The following KCNMA1 variants were observed in gnomAD, a reference collection of about 807,000 sequenced individuals.
KCNMA1 encodes potassium calcium-activated channel subfamily M alpha 1, also known as Calcium-activated potassium channel subunit alpha-1.
In KCNMA1, 29 loss-of-function variants were observed where a neutral mutation model predicts 140.0. The ratio of observed to expected loss-of-function variants is 0.21; its 90% CI spans 0.15 to 0.28. KCNMA1 has a LOEUF of 0.28. Ranked by LOEUF, KCNMA1 falls within the 10% of genes least tolerant of loss-of-function variation. The pLI, the probability that KCNMA1 is intolerant of heterozygous loss-of-function variation, is 1.00. For missense variants in KCNMA1, 880 were observed against 1,602.2 expected (o/e 0.55, Z 7.70); for synonymous variants, 612 against 611.9 (o/e 1.00, Z 0.00).
At chr10:77,484,940 C>T (rs547864920) in intron 1 of KCNMA1, among the ~76,000 whole-genome samples, 1 of 152,304 alleles carries the variant, frequency 6.6e-6, no homozygotes, top group South Asian at 2.1e-4. Context: ...AAGTTCACTT[C>T]CTGATGCACA....
chr10:77,075,742 T>G, intron 13 of KCNMA1, among the ~76,000 whole-genome samples: 1 of 152,146 alleles, frequency 6.6e-6, no homozygotes, highest in Admixed American at 6.5e-5. Flanking sequence ...AGGGAAGGAG[T>G]GAGGGTGACC....
chr10:76,976,553 C>T (rs986388668), intron 19 of KCNMA1, among the ~76,000 whole-genome samples: 26 of 152,132 alleles, frequency 1.7e-4, no homozygotes, highest in Non-Finnish European at 7.4e-5. Flanking sequence ...ATTAGATGTG[C>T]CCATGCTACC....
intron 9 of KCNMA1, among the ~76,000 whole-genome samples, chr10:77,097,389 A>G (rs534717848): frequency 1.3e-4 from 20 of 151,868 alleles, no homozygotes; most frequent in Non-Finnish European, 2.5e-4. Context: ...TCATCCCTCC[A>G]CCCTACCCCA....
intron 2 of KCNMA1, among the ~76,000 whole-genome samples, chr10:77,311,119 T>C (rs919968219): frequency 6.6e-6 from 1 of 152,154 alleles, no homozygotes; most frequent in Non-Finnish European, 1.5e-5. Context: ...TCTTAAATTC[T>C]GTGAAGAGTC....
At chr10:77,531,912 CA>C (rs2057718619) in intron 1 of KCNMA1, among the ~76,000 whole-genome samples, 1 of 152,204 alleles carries the variant, frequency 6.6e-6, no homozygotes, top group African/African-American at 2.4e-5. Flanking sequence ...TCAGCAGCCC[CA>C]GGCACAGTAC....
intron 19 of KCNMA1, among the ~76,000 whole-genome samples, chr10:76,984,594 C>G (rs1352446540): frequency 1.3e-5 from 2 of 152,144 alleles, no homozygotes; most frequent in Admixed American, 6.6e-5. Flanking sequence ...AAATGCCCCT[C>G]ATTATCCTGA....
At chr10:77,282,692 C>G (rs557542004) in intron 2 of KCNMA1, among the ~76,000 whole-genome samples, 1 of 143,386 alleles carries the variant, frequency 7.0e-6, no homozygotes, top group South Asian at 2.2e-4. Flanking sequence ...GCCTCCCAGG[C>G]TCCAATCTGC....
chr10:76,931,722 C>T (rs910335580), intron 23 of KCNMA1, among the ~76,000 whole-genome samples: 3 of 152,090 alleles, frequency 2.0e-5, no homozygotes, highest in African/African-American at 4.8e-5. Flanking sequence ...CGTTGCATGG[C>T]GCCATGCTAG....
chr10:76,898,377 CTAAGGG>C (rs1463163884), intron 25 of KCNMA1, among the ~76,000 whole-genome samples: 1 of 151,706 alleles, frequency 6.6e-6, no homozygotes, highest in Non-Finnish European at 1.5e-5. Flanking sequence ...TAAATCTGGA[CTAAGGG>C]TAATACGTGA....
At chr10:77,558,807 G>C (rs748900395) in intron 1 of KCNMA1, among the ~76,000 whole-genome samples, 1 of 152,196 alleles carries the variant, frequency 6.6e-6, no homozygotes, top group Non-Finnish European at 1.5e-5. Flanking sequence ...ACAGACAATG[G>C]GAAGTAAGCA....
chr10:77,260,302 G>A (rs892800438), intron 2 of KCNMA1, among the ~76,000 whole-genome samples: 1 of 152,232 alleles, frequency 6.6e-6, no homozygotes, highest in African/African-American at 2.4e-5. Flanking sequence ...ATGGGTGACA[G>A]CATCAGGAAG....
chr10:76,944,645 G>A lies in KCNMA1; in HGVS notation c.2902+128C>T, dbSNP rs1366989923. 19 of 822,282 alleles carry A rather than the reference G, an allele frequency of 2.3e-5. No individual in the cohort carries two copies. In the East Asian group the frequency reaches 4.7e-4, roughly 20 times the overall value. The allele number at this position is 822,282 out of a possible 1,614,324, so 50.9% of individuals were successfully genotyped here. ...CAGATGCCCCTTTGAAAGCCATCATGGTGACCGCAGGTTTCACTGCCAGGC... is the reference window on the plus strand; with the variant it reads ...CAGATGCCCCTTTGAAAGCCATCATAGTGACCGCAGGTTTCACTGCCAGGC... On this transcript the variant is annotated intron_variant, in intron 23 of 27. Coordinates refer to ENST00000286628, the MANE Select transcript of KCNMA1 (RefSeq NM_001161352.2).
intron 1 of KCNMA1, among the ~76,000 whole-genome samples, chr10:77,555,411 GAGAA>G (rs2064034498): frequency 6.6e-6 from 1 of 152,126 alleles, no homozygotes; most frequent in East Asian, 1.9e-4. Flanking sequence ...GTAGCTCTTG[GAGAA>G]ATAACCTAAA....
At chr10:77,008,174 G>A (rs187364535) in intron 18 of KCNMA1, 32 of 1,534,522 alleles carry the variant, frequency 2.1e-5, no homozygotes, top group East Asian at 1.2e-4. Flanking sequence ...CTGGGAACCC[G>A]TTTTACTCAC....
At chr10:77,503,498 G>A (rs2044667009) in intron 1 of KCNMA1, among the ~76,000 whole-genome samples, 1 of 152,012 alleles carries the variant, frequency 6.6e-6, no homozygotes, top group Non-Finnish European at 1.5e-5. Context: ...TTAGTTCTAA[G>A]CTCCCAAAGG....
chr10:76,947,929 T>C (rs2064730557), intron 22 of KCNMA1, among the ~76,000 whole-genome samples: 1 of 152,218 alleles, frequency 6.6e-6, no homozygotes, highest in Non-Finnish European at 1.5e-5. Context: ...AATAATACAT[T>C]TTAGCTTTGT....
intron 3 of KCNMA1, among the ~76,000 whole-genome samples, chr10:77,231,658 G>A (rs1565375163): frequency 6.7e-6 from 1 of 150,130 alleles, no homozygotes; most frequent in Admixed American, 6.6e-5. Context: ...TGTCTGTGAC[G>A]CCTCCAGCAT....
intron 18 of KCNMA1, among the ~76,000 whole-genome samples, chr10:77,009,045 A>G (rs1328842050): frequency 2.0e-5 from 3 of 152,060 alleles, no homozygotes; most frequent in East Asian, 3.9e-4. Flanking sequence ...ATGGCCTTTT[A>G]ATTAGTAGGA....
chr10:77,168,009 C>T (rs2098662822), intron 5 of KCNMA1, among the ~76,000 whole-genome samples: 1 of 152,140 alleles, frequency 6.6e-6, no homozygotes, highest in Non-Finnish European at 1.5e-5. Context: ...GGGTCACTTG[C>T]TTCATCTTGC....
Sources: gnomAD v4.1 joint callset for allele counts (sites outside exome capture counted in the v4.1 genomes callset) on GRCh38, gnomAD v4.1.1 for gene constraint, MANE v1.5 for transcripts, NCBI Gene and HGNC (gene_info 2026-07-23, HGNC 2026-07-21) for gene names.